The following AZGP1 variants were observed in gnomAD, a reference collection of about 807,000 sequenced individuals.
AZGP1 encodes alpha-2-glycoprotein 1, zinc-binding, also known as zinc-alpha-2-glycoprotein.
In AZGP1, 28 loss-of-function variants were observed where a neutral mutation model predicts 31.5. The ratio of observed to expected loss-of-function variants is 0.89; its 90% CI spans 0.66 to 1.22. The LOEUF (loss-of-function observed/expected upper bound fraction) is 1.22. AZGP1 is among the 50% of genes most tolerant of loss of function. AZGP1 has a pLI of 0.00. For missense variants in AZGP1, 361 were observed against 371.8 expected (o/e 0.97, Z 0.24); for synonymous variants, 135 against 145.4 (o/e 0.93, Z 0.51).
Position 99,966,861 on chromosome 7 carries a change from A to T in AZGP1, c.*142T>A. ...AGGCATCCCAGTCTTCGGTCTCCAA[A>T]TCCACCTCCTGTCTGTCCCCCCACA... On this transcript the variant is annotated 3_prime_UTR_variant, in exon 4 of 4. Transcript: ENST00000292401. 1 of 1,309,580 alleles carries T rather than the reference A, an allele frequency of 7.6e-7. No homozygotes were observed. Among genetic ancestry groups the T allele is most frequent in the South Asian group, 1.4e-5 (1 of 70,176 alleles). The allele number at this position is 1,309,580 out of a possible 1,614,324, so 81.1% of individuals were successfully genotyped here.
intron 1 of AZGP1, among the ~76,000 whole-genome samples, chr7:99,975,569 C>T (rs3020558): frequency 0.97 from 148,108 of 152,020 alleles, 72,163 homozygotes; most frequent in East Asian, 1. Flanking sequence ...CTCTCTCTTT[C>T]CCTCAGCGTC....
At chr7:99,967,634 A>C in intron 3 of AZGP1, 1 of 437,352 alleles carries the variant, frequency 2.3e-6, no homozygotes, top group South Asian at 2.6e-5. Flanking sequence ...ACTTCCCTGC[A>C]GCACTGCACA....
chr7:99,975,259 T>TATATAACAAAC (rs1360024658), intron 1 of AZGP1, among the ~76,000 whole-genome samples: 4 of 152,110 alleles, frequency 2.6e-5, no homozygotes, highest in African/African-American at 7.3e-5. Flanking sequence ...AAGTGATTGT[T>TATATAACAAAC]ATATAACAAA....
intron 1 of AZGP1, among the ~76,000 whole-genome samples, chr7:99,975,338 C>T (rs1034413466): frequency 1.3e-5 from 2 of 152,148 alleles, no homozygotes; most frequent in Admixed American, 6.5e-5. Context: ...AGAAGCCATT[C>T]GCTTCCATGT....
intron 3 of AZGP1, chr7:99,967,792 T>C (rs181716475): frequency 1.3e-5 from 7 of 527,530 alleles, no homozygotes; most frequent in African/African-American, 1.1e-4. Context: ...ATTGTAGAGA[T>C]AAAAAACGAT....
In AZGP1 at chr7:99,966,900, C is replaced by T. The variant is rs1789487413; in HGVS notation, c.*103G>A. The T allele has an allele frequency of 2.0e-6, 3 of 1,478,188 alleles. No homozygotes were observed. The highest frequency in any genetic ancestry group is 1.8e-6 in the Non-Finnish European group (2 of 1,089,878). The allele number at this position is 1,478,188 out of a possible 1,614,324, so 91.6% of individuals were successfully genotyped here. A position where few individuals can be genotyped will look rare whatever the true frequency, so the allele number is the denominator to read the frequency against. On this transcript the variant is annotated 3_prime_UTR_variant, in exon 4 of 4. Coordinates refer to ENST00000292401, the MANE Select transcript of AZGP1 (RefSeq NM_001185.4). Reference sequence around the variant, plus strand: ...TGTCCCCCCACACTGCTCCTCAGGCCTTGTGGATCCATTGACTGTGATTTC... The same window carrying T: ...TGTCCCCCCACACTGCTCCTCAGGCTTTGTGGATCCATTGACTGTGATTTC...
chr7:99,967,449 G>A (rs556896942), intron 3 of AZGP1, 163 bp from the exon 4 acceptor site: 35 of 780,074 alleles, frequency 4.5e-5, no homozygotes, highest in Admixed American at 8.7e-5. Context: ...AGGGAAGGCT[G>A]ACGCTTTCCC....
intron 1 of AZGP1, among the ~76,000 whole-genome samples, chr7:99,974,314 G>A (rs1434346839): frequency 1.3e-5 from 2 of 151,914 alleles, no homozygotes; most frequent in African/African-American, 4.8e-5. Flanking sequence ...GAGGCCAGGC[G>A]CAGTTGCTGA....
rs1789642540 is a variant in AZGP1 at position 99,975,318 on chromosome 7, C to G, written c.76+627G>C. Among the ~76,000 whole-genome samples, 3 of 152,160 alleles carry G rather than the reference C, an allele frequency of 2.0e-5. No homozygotes were observed. The South Asian group carries it at 6.2e-4, about 32-fold the overall frequency. On this transcript the variant is annotated intron_variant, in intron 1 of 3. Coordinates refer to ENST00000292401, the MANE Select transcript of AZGP1 (RefSeq NM_001185.4). ...TTGTAAATGTCATGAATTTTAAACT[C>G]ACACAACTGAGAAGCCATTCGCTTC...
intron 3 of AZGP1, 26 bp downstream of exon 3, chr7:99,968,129 A>G (rs770739645): frequency 6.2e-7 from 1 of 1,612,970 alleles, no homozygotes; most frequent in Non-Finnish European, 8.5e-7. Context: ...TGGGCTCAGT[A>G]CTGGGGAGCA....
At chr7:99,974,058 A>G (rs1362186398) in intron 1 of AZGP1, among the ~76,000 whole-genome samples, 1 of 151,916 alleles carries the variant, frequency 6.6e-6, no homozygotes, top group African/African-American at 2.4e-5. Flanking sequence ...GGATCACTTG[A>G]GGTCAAGAGG....
At chr7:99,968,556 C>T in intron 2 of AZGP1, 126 bp from the exon 3 acceptor site, 1 of 1,202,402 alleles carries the variant, frequency 8.3e-7, no homozygotes, top group East Asian at 2.3e-5. Context: ...AGCATGCAAT[C>T]CCTTTATCAA....
intron 2 of AZGP1, 25 bp from the exon 3 acceptor site, chr7:99,968,455 A>T: frequency 6.2e-7 from 1 of 1,606,198 alleles, no homozygotes; most frequent in Non-Finnish European, 8.5e-7. Context: ...GACCCCACAG[A>T]GAGACAGTCA....
Position 99,971,568 on chromosome 7 carries a change from C to T in AZGP1, c.337+178G>A, listed in dbSNP as rs147732421. Reference sequence around the variant, plus strand: ...GAGGATGGGGCAATTGATGGGGAAGCGGGGAGCACCTGTGCTGTGGGGTGG... The same window carrying T: ...GAGGATGGGGCAATTGATGGGGAAGTGGGGAGCACCTGTGCTGTGGGGTGG... On this transcript the variant is annotated intron_variant, in intron 2 of 3. Transcript: ENST00000292401. The T allele has an allele frequency of 6.9e-4, 486 of 705,644 alleles. 5 individuals are homozygous for T. In the African/African-American group the frequency reaches 8.6e-3, roughly 12 times the overall value. The allele number at this position is 705,644 out of a possible 1,614,324, so 43.7% of individuals were successfully genotyped here.
chr7:99,972,431 C>T (rs543368226), intron 1 of AZGP1, among the ~76,000 whole-genome samples: 1 of 152,300 alleles, frequency 6.6e-6, no homozygotes, highest in Non-Finnish European at 1.5e-5. Context: ...GAAAGAGTCT[C>T]AATATGCAAT....
chr7:99,969,084 G>A (rs1789540267), intron 2 of AZGP1, among the ~76,000 whole-genome samples: 1 of 149,864 alleles, frequency 6.7e-6, no homozygotes, highest in African/African-American at 2.5e-5. Flanking sequence ...GACCAGCCTG[G>A]CCAATATGGT....
intron 2 of AZGP1, chr7:99,971,477 AG>A (rs1789575835): frequency 7.3e-6 from 3 of 412,864 alleles, no homozygotes; most frequent in Non-Finnish European, 1.3e-5. Flanking sequence ...TGGAGGTGAG[AG>A]GTCATAGGTG....
intron 2 of AZGP1, among the ~76,000 whole-genome samples, chr7:99,970,494 C>T (rs1261205853): frequency 1.3e-5 from 2 of 152,120 alleles, no homozygotes; most frequent in Admixed American, 6.6e-5. Context: ...CTGCCTGCCT[C>T]AGCCTCCCAA....
At chr7:99,970,843 T>C (rs1026844099) in intron 2 of AZGP1, among the ~76,000 whole-genome samples, 8 of 152,218 alleles carry the variant, frequency 5.3e-5, no homozygotes, top group African/African-American at 1.2e-4. Context: ...ACACCCACTC[T>C]ATGATAATTT....
Sources: gnomAD v4.1 joint callset for allele counts (sites outside exome capture counted in the v4.1 genomes callset) on GRCh38, gnomAD v4.1.1 for gene constraint, MANE v1.5 for transcripts, NCBI Gene and HGNC (gene_info 2026-07-23, HGNC 2026-07-21) for gene names.